Variants in DNAI7 observed in about 807,000 individuals in gnomAD.
The protein encoded by DNAI7 is dynein axonemal intermediate chain 7.
In DNAI7, 78 loss-of-function variants were observed where a neutral mutation model predicts 86.6. That is an observed-to-expected ratio of 0.90 (90% CI 0.75 to 1.09). The LOEUF (loss-of-function observed/expected upper bound fraction) is 1.09, where lower values mean the gene tolerates loss of function less well. DNAI7 is among the 50% of genes least tolerant of loss of function. The pLI is 0.00. For synonymous variants in DNAI7, 274 were observed against 273.0 expected, an observed-to-expected ratio of 1.00 and a Z score of -0.04; for missense variants, 753 against 810.2, an observed-to-expected ratio of 0.93 and a Z score of 0.86.
intron 2 of DNAI7, among the ~76,000 whole-genome samples, chr12:25,162,888 A>C (rs1372109400): frequency 1.3e-5 from 2 of 152,190 alleles, no homozygotes; most frequent in African/African-American, 2.4e-5. Flanking sequence ...AAAAACACAC[A>C]TGGGCTCAAA....
At chr12:25,135,605 G>A (rs1392230874) in intron 9 of DNAI7, among the ~76,000 whole-genome samples, 3 of 152,144 alleles carry the variant, frequency 2.0e-5, no homozygotes, top group East Asian at 1.9e-4. Flanking sequence ...CTGGTAGCCT[G>A]GGGCAAGATC....
chr12:25,107,565 T>G (rs189880359), downstream of DNAI7, among the ~76,000 whole-genome samples: 2 of 151,278 alleles, frequency 1.3e-5, no homozygotes, highest in Non-Finnish European at 3.0e-5. Context: ...TTGTATGTAC[T>G]TATTAGAAGA....
chr12:25,163,308 CGCCACAAA>C (rs1947045808), intron 2 of DNAI7, among the ~76,000 whole-genome samples: 1 of 151,970 alleles, frequency 6.6e-6, no homozygotes, highest in African/African-American at 2.4e-5. Context: ...GATGACATTC[CGCCACAAA>C]AAAAGTGAAA....
chr12:25,158,216 G>A (rs374006736), intron 4 of DNAI7, among the ~76,000 whole-genome samples: 21 of 151,608 alleles, frequency 1.4e-4, no homozygotes, highest in East Asian at 7.8e-4. Flanking sequence ...GCAACAGAGC[G>A]AGACTCCATC....
At chr12:25,145,826 T>G (rs1476585489) in intron 8 of DNAI7, among the ~76,000 whole-genome samples, 4 of 152,206 alleles carry the variant, frequency 2.6e-5, no homozygotes, top group African/African-American at 7.2e-5. Flanking sequence ...AACCAAGCAC[T>G]CATGAATTTG....
intron 15 of DNAI7, 75 bp downstream of exon 15, chr12:25,110,052 A>G: frequency 1.4e-6 from 1 of 735,256 alleles, no homozygotes; most frequent in Non-Finnish European, 2.4e-6. Context: ...GCCATGGTCT[A>G]CATTCATTTA....
At chr12:25,182,605 T>TACACACAC (rs71065917) in intron 2 of DNAI7, among the ~76,000 whole-genome samples, 11,842 of 132,002 alleles carry the variant, frequency 0.09, 650 homozygotes, top group Middle Eastern at 0.16. Context: ...TGAGACTGTC[T>TACACACAC]ACACACACAC....
intron 2 of DNAI7, 81 bp from the exon 3 acceptor site, chr12:25,161,278 A>G (rs181748113): frequency 1.6e-6 from 2 of 1,259,272 alleles, no homozygotes; most frequent in East Asian, 4.7e-5. Context: ...ACTAATTATG[A>G]AAAACATTTT....
chr12:25,170,649 C>T (rs1268252400), intron 2 of DNAI7, among the ~76,000 whole-genome samples: 2 of 152,138 alleles, frequency 1.3e-5, no homozygotes, highest in Non-Finnish European at 1.5e-5. Context: ...ATATACAGAA[C>T]ATTCCATCCA....
chr12:25,109,061 C>T (rs926319754), intron 15 of DNAI7, among the ~76,000 whole-genome samples: 1 of 152,110 alleles, frequency 6.6e-6, no homozygotes, highest in Non-Finnish European at 1.5e-5. Flanking sequence ...GAGTGCCTAT[C>T]ATGTGTGAGG....
chr12:25,163,877 C>G (rs1947122872), intron 2 of DNAI7, among the ~76,000 whole-genome samples: 2 of 152,212 alleles, frequency 1.3e-5, no homozygotes, highest in Non-Finnish European at 1.5e-5. Context: ...CTCTTAATTT[C>G]AGTTCCTTTT....
chr12:25,176,155 T>C (rs915927220), intron 2 of DNAI7, among the ~76,000 whole-genome samples: 2 of 152,174 alleles, frequency 1.3e-5, no homozygotes, highest in Admixed American at 6.5e-5. Context: ...AACAAGCTTT[T>C]TTAAAATAAA....
intron 2 of DNAI7, chr12:25,185,744 C>G: frequency 2.0e-6 from 2 of 981,262 alleles, no homozygotes; most frequent in Non-Finnish European, 2.4e-6. Flanking sequence ...AAAACCAGGA[C>G]TCACTCTTTG....
In DNAI7 at chr12:25,120,857, A is replaced by G. The variant is rs533318933; in HGVS notation, c.1239+896T>C. ...ATTATCACCAAAGTGTGGTCAGGGC[A>G]TCAGCAGCATTGGCATCATGTGGAC... On this transcript the variant is annotated intron_variant, in intron 11 of 15. Coordinates refer to ENST00000395987, the MANE Select transcript of DNAI7 (RefSeq NM_018272.5). Among the ~76,000 whole-genome samples, 3 of 152,376 alleles carry G rather than the reference A, an allele frequency of 2.0e-5. No individual in the cohort carries two copies. The South Asian group carries it at 6.2e-4, about 32-fold the overall frequency.
intron 2 of DNAI7, among the ~76,000 whole-genome samples, chr12:25,163,263 C>T (rs773022158): frequency 6.6e-6 from 1 of 152,160 alleles, no homozygotes; most frequent in Non-Finnish European, 1.5e-5. Context: ...GTGACCTGCA[C>T]GTACACATCT....
chr12:25,184,391 T>C (rs1168778911), intron 2 of DNAI7, among the ~76,000 whole-genome samples: 4 of 142,198 alleles, frequency 2.8e-5, no homozygotes, highest in Admixed American at 2.7e-4. Context: ...TGGTCTTTTG[T>C]GACTGGCTTC....
intron 2 of DNAI7, among the ~76,000 whole-genome samples, chr12:25,178,476 A>C (rs1949182350): frequency 6.6e-6 from 1 of 152,118 alleles, no homozygotes; most frequent in Admixed American, 6.6e-5. Flanking sequence ...TCTTCTTGAC[A>C]TATCAGATAA....
Position 25,114,636 on chromosome 12 carries a change from C to G in DNAI7, c.1611+20G>C. 1 of 1,528,486 alleles carries G rather than the reference C, an allele frequency of 6.5e-7. No homozygotes were observed. Among genetic ancestry groups the G allele is most frequent in the Non-Finnish European group, 9.1e-7 (1 of 1,102,610 alleles). 94.7% of individuals were successfully genotyped at this position (1,528,486 alleles called of 1,614,324 possible). A position where few individuals can be genotyped will look rare whatever the true frequency, so the allele number is the denominator to read the frequency against. On this transcript the variant is annotated intron_variant, in intron 13 of 15. Coordinates refer to ENST00000395987, the MANE Select transcript of DNAI7 (RefSeq NM_018272.5). ...TTACCTCTGATACGATAGTACATAA[C>G]AGCTACAAGAGTAACTCACCTTAAT...
intron 8 of DNAI7, 33 bp downstream of exon 8, chr12:25,146,968 C>T (rs1311305376): frequency 1.1e-5 from 12 of 1,083,300 alleles, no homozygotes; most frequent in African/African-American, 4.7e-5. Context: ...TCTTTCTTTC[C>T]ACCTACAGGG....
Sources: gnomAD v4.1 joint callset for allele counts (sites outside exome capture counted in the v4.1 genomes callset) on GRCh38, gnomAD v4.1.1 for gene constraint, MANE v1.5 for transcripts, NCBI Gene and HGNC (gene_info 2026-07-23, HGNC 2026-07-21) for gene names.